SH3BP2: variants seen among roughly 807,000 people sequenced by gnomAD.
The protein encoded by SH3BP2 is SH3 domain binding protein 2.
A neutral mutation model predicts 56.2 loss-of-function variants in SH3BP2; 38 were observed. The observed-to-expected ratio is 0.68, with a 90% CI of 0.52 to 0.89. The LOEUF (loss-of-function observed/expected upper bound fraction) is 0.89. Among genes scored for constraint, SH3BP2 ranks in the 40% least tolerant of loss-of-function variants. The probability of loss-of-function intolerance (pLI) is 0.00; values close to 1 mark genes in which losing one functional copy is unlikely to be tolerated. For synonymous variants in SH3BP2, 346 were observed against 316.7 expected (o/e 1.09, Z -0.98); for missense variants, 748 against 762.6 (o/e 0.98, Z 0.23).
At chr4:2,823,344 T>C (rs1224975101) in intron 3 of SH3BP2, 3 of 509,358 alleles carry the variant, frequency 5.9e-6, no homozygotes, top group African/African-American at 5.8e-5. Context: ...GACTTCTGCA[T>C]CTCTCCTCCC....
chr4:2,828,628 C>T (rs369826724), intron 7 of SH3BP2, among the ~76,000 whole-genome samples: 498 of 152,364 alleles, frequency 3.3e-3, no homozygotes, highest in African/African-American at 0.01. Context: ...ACTCAGACTC[C>T]GTCTGCCCAG....
chr4:2,820,730 G>C lies in SH3BP2; in HGVS notation c.113G>C (p.Gly38Ala), dbSNP rs1724255880. Residue 38 changes from glycine (G) to alanine (A), a missense_variant, in exon 2 of 13, where the codon GGT (glycine) becomes GCT (alanine). Gly to Ala is a moderately conservative substitution (Grantham distance 60). Coordinates refer to ENST00000503393, the MANE Select transcript of SH3BP2 (RefSeq NM_001122681.2). ...AKAGYLHKKG[G>A]TQLQLLKWPL... is the part of the protein sequence containing the mutation. ...GCTGGCTACCTGCACAAGAAGGGCGGTACCCAGCTGCAGCTGCTGAAATGT... is the reference window on the plus strand; with the variant it reads ...GCTGGCTACCTGCACAAGAAGGGCGCTACCCAGCTGCAGCTGCTGAAATGT... 1 of 1,613,814 alleles carries C rather than the reference G, an allele frequency of 6.2e-7. No homozygotes were observed. The highest frequency in any genetic ancestry group is 8.5e-7 in the Non-Finnish European group (1 of 1,179,836).
intron 1 of SH3BP2, among the ~76,000 whole-genome samples, chr4:2,807,211 G>A (rs1182706584): frequency 1.3e-5 from 2 of 152,230 alleles, no homozygotes; most frequent in Non-Finnish European, 2.9e-5. Context: ...GGGTGTGGAA[G>A]GGCCTCAGCT....
intron 1 of SH3BP2, among the ~76,000 whole-genome samples, chr4:2,800,997 AG>A (rs1427179414): frequency 8.1e-6 from 1 of 123,758 alleles, no homozygotes; most frequent in East Asian, 2.1e-4. Context: ...GCTCCGAGGG[AG>A]GAAGGAGCTG....
chr4:2,831,530 G>T lies in SH3BP2; in HGVS notation c.1242-41G>T. 6.7e-7 allele frequency: 1 copy of T among 1,485,828 alleles called. No individual in the cohort carries two copies. The highest frequency in any genetic ancestry group is 2.0e-5 in the Admixed American group (1 of 51,192). 92.0% of individuals were successfully genotyped at this position (1,485,828 alleles called of 1,614,324 possible). On this transcript the variant is annotated intron_variant, in intron 8 of 12. Coordinates refer to ENST00000503393, the MANE Select transcript of SH3BP2 (RefSeq NM_001122681.2). The surrounding 1 kb of genome is among the most constrained non-coding windows in gnomAD (Gnocchi z 4.1). ...AGCAGAGGGTGGCCGCCCCGTGTCT[G>T]ACAGTGAAATGGTCCTGCCTTCCTC... is the stretch of plus-strand genomic sequence containing the variant.
chr4:2,840,581 T>C lies in SH3BP2; in HGVS notation c.*6747T>C, dbSNP rs1008951606. 1 of 152,254 alleles carries C rather than the reference T, an allele frequency of 6.6e-6. No homozygotes were observed. The highest frequency in any genetic ancestry group is 1.5e-5 in the Non-Finnish European group (1 of 68,050). The allele number at this position is 152,254 out of a possible 1,614,324, so 9.4% of individuals were successfully genotyped here. ...GTCTGTTCTTGTGCCAATATCAAGC[T>C]GTCTTCATTATTATCAATTATGTAT... On this transcript the variant is annotated 3_prime_UTR_variant, in exon 13 of 13. Coordinates refer to ENST00000503393, the MANE Select transcript of SH3BP2 (RefSeq NM_001122681.2).
intron 1 of SH3BP2, among the ~76,000 whole-genome samples, chr4:2,803,884 C>T (rs1723424507): frequency 6.6e-6 from 1 of 152,166 alleles, no homozygotes; most frequent in South Asian, 2.1e-4. Context: ...TGGCTGCCTC[C>T]CTAACAGATT....
At chr4:2,820,539 T>TC in intron 1 of SH3BP2, 75 bp from the exon 2 acceptor site, 1 of 1,573,874 alleles carries the variant, frequency 6.4e-7, no homozygotes, top group Non-Finnish European at 8.7e-7. Context: ...CTTGGCAGTG[T>TC]CCCCCTGAGC....
At position 2,810,640 on chromosome 4, in the gene SH3BP2, C is replaced by T. The variant is rs1723710802; in HGVS notation, c.-4-9974C>T. 6.6e-6 allele frequency among the ~76,000 whole-genome samples: 1 copy of T among 151,942 alleles called. No homozygotes were observed. Among genetic ancestry groups the T allele is most frequent in the South Asian group, 2.1e-4 (1 of 4,816 alleles). The stretch of plus-strand genomic sequence containing the variant: ...CTCCCAACCCTGGGGTGTGCTCACC[C>T]CAAGCCCCTTCCTCCCGTGGCTCCC... On this transcript the variant is annotated intron_variant, in intron 1 of 12. Coordinates refer to ENST00000503393, the MANE Select transcript of SH3BP2 (RefSeq NM_001122681.2). This position sits in a 1 kb window ranked among gnomAD's most constrained non-coding sequence, Gnocchi z 4.2.
At position 2,810,757 on chromosome 4, in the gene SH3BP2, G is replaced by A. The variant is rs1362729659; in HGVS notation, c.-4-9857G>A. Among the ~76,000 whole-genome samples, 2 of 152,160 alleles carry A rather than the reference G, an allele frequency of 1.3e-5. No homozygotes were observed. The highest frequency in any genetic ancestry group is 2.9e-5 in the Non-Finnish European group (2 of 68,016). ...CCCCAGTCCAGAACCCACAGGGCCT[G>A]GTCCCTCCTCTGGACCCTGCAGCCC... On this transcript the variant is annotated intron_variant, in intron 1 of 12. Coordinates refer to ENST00000503393, the MANE Select transcript of SH3BP2 (RefSeq NM_001122681.2). The surrounding 1 kb of genome is among the most constrained non-coding windows in gnomAD (Gnocchi z 4.2).
At chr4:2,802,665 GTGTGTGTGTATATATATA>G (rs1723357135) in intron 1 of SH3BP2, among the ~76,000 whole-genome samples, 1 of 151,402 alleles carries the variant, frequency 6.6e-6, no homozygotes, top group African/African-American at 2.4e-5. Flanking sequence ...ATATGTGTGT[GTGTGTGTGTATATATATA>G]TGTATATATG....
At chr4:2,821,031 G>T (rs1003080928) in intron 2 of SH3BP2, among the ~76,000 whole-genome samples, 4 of 152,170 alleles carry the variant, frequency 2.6e-5, no homozygotes, top group Non-Finnish European at 5.9e-5. Flanking sequence ...GGCCAGGTAG[G>T]TCTGGCCTCT....
chr4:2,818,653 G>GGGC, intron 1 of SH3BP2: 1 of 929,528 alleles, frequency 1.1e-6, no homozygotes, highest in African/African-American at 1.8e-5. Context: ...CCCCACTGCG[G>GGGC]GGCTCCTTCG....
intron 1 of SH3BP2, chr4:2,818,638 T>C: frequency 1.2e-6 from 1 of 837,136 alleles, no homozygotes; most frequent in Non-Finnish European, 1.5e-6. Flanking sequence ...GGCTCCCTCC[T>C]CCATCCCCAC....
At chr4:2,832,576 AATAG>A (rs58037274) in intron 11 of SH3BP2, among the ~76,000 whole-genome samples, 164 bp downstream of exon 11, 2,004 of 152,168 alleles carry the variant, frequency 0.013, 45 homozygotes, top group African/African-American at 0.046. Context: ...TCTATTCCCT[AATAG>A]ATCTCCATCT....
intron 1 of SH3BP2, chr4:2,818,818 C>T (rs1410874564): frequency 4.1e-6 from 4 of 986,462 alleles, no homozygotes; most frequent in African/African-American, 1.7e-5. Context: ...GGGGTCCAGC[C>T]GGGTGACCCA....
At chr4:2,793,188 G>A (rs1463967866) in intron 1 of SH3BP2, 50 bp downstream of exon 1, 4 of 143,842 alleles carry the variant, frequency 2.8e-5, no homozygotes, top group Admixed American at 1.4e-4. Context: ...TCGCGGGGGG[G>A]CGGTCTCCGC....
At chr4:2,824,571 T>C (rs770851282) in intron 3 of SH3BP2, 42 bp from the exon 4 acceptor site, 1 of 1,464,238 alleles carries the variant, frequency 6.8e-7, no homozygotes, top group South Asian at 1.1e-5. Context: ...GCCATCCCTA[T>C]AGCTGTGAAC....
In SH3BP2 at chr4:2,825,183, C is replaced by A; in HGVS notation, c.415C>A (p.Pro139Thr). ...IGHFHEKKDL[P>T]LDTSDSSSDT... ...CCACTTCCACGAAAAGAAAGACCTG[C>A]CCTTGGACACCAGGTGAGCCCGGGC... Residue 139 changes from proline (P) to threonine (T), a missense_variant, in exon 5 of 13, where the codon CCC (proline) becomes ACC (threonine). Physicochemically the swap from Pro to Thr is conservative, Grantham distance 38 (BLOSUM62 -1). Around this residue, in one of 3 missense-constraint regions of SH3BP2, gnomAD observed 635 missense variants for 615.0 expected, o/e 1.03. Coordinates refer to ENST00000503393, the MANE Select transcript of SH3BP2 (RefSeq NM_001122681.2). The A allele has an allele frequency of 6.3e-7, 1 of 1,581,132 alleles. No homozygotes were observed.
Sources: allele counts gnomAD v4.1 joint callset (sites outside exome capture counted in the v4.1 genomes callset), GRCh38; gene constraint gnomAD v4.1.1; regional missense constraint gnomAD v4.1.1; non-coding constraint Gnocchi (gnomAD v3.1); transcripts MANE v1.5; gene names NCBI Gene and HGNC (gene_info 2026-07-23, HGNC 2026-07-21).